The following CHST12 variants were observed in gnomAD, a reference collection of about 807,000 sequenced individuals.
CHST12 encodes carbohydrate (chondroitin 4) sulfotransferase 12.
Under a neutral mutation model 27.9 loss-of-function variants are expected in CHST12, and 23 were observed. The observed-to-expected ratio is 0.82, with a 90% CI of 0.59 to 1.17. The LOEUF (loss-of-function observed/expected upper bound fraction) is 1.17, where lower values mean the gene tolerates loss of function less well. Among genes scored for constraint, CHST12 ranks in the 50% most tolerant of loss-of-function variants. CHST12 has a pLI of 0.00. For missense variants in CHST12, 682 were observed against 603.0 expected (o/e 1.13, Z -1.37); for synonymous variants, 322 against 273.0 (o/e 1.18, Z -1.77).
At chr7:2,428,422 C>CG (rs902221740) in intron 1 of CHST12, among the ~76,000 whole-genome samples, 2 of 152,082 alleles carry the variant, frequency 1.3e-5, no homozygotes, top group Non-Finnish European at 2.9e-5. Context: ...CACAATGCAA[C>CG]GGGGCTCTTT....
Position 2,432,939 on chromosome 7 carries a change from C to T in CHST12, c.300C>T (p.Ser100=), listed in dbSNP as rs929073775. ...CTGCGCCGGGGAGCATGGAGGAGAG[C>T]GTGAGAGGCTACGACTGGTCCCCGC... ...QPPAPGSMEE[S]VRGYDWSPRD... Residue 100 remains serine (S), a synonymous_variant, in exon 2 of 2, where the codon AGC becomes AGT. Coordinates refer to ENST00000618655, the MANE Select transcript of CHST12 (RefSeq NM_018641.5). 5.0e-6 allele frequency: 8 copies of T among 1,612,180 alleles called. No homozygotes were observed. In the African/African-American group the frequency reaches 5.3e-5, roughly 11 times the overall value.
rs1054890189 is a variant in CHST12 at position 2,446,400 on chromosome 7, G to A, written c.*12516G>A. ...TCTGAGGAAAAACCTCTCCAGCCCA[G>A]CGCGTGGCCTGGCATTAACCCACTG... is the stretch of plus-strand genomic sequence containing the variant. On this transcript the variant is annotated 3_prime_UTR_variant, in exon 2 of 2. Transcript: ENST00000618655. 1.3e-5 allele frequency: 2 copies of A among 152,918 alleles called. No individual in the cohort carries two copies. The highest frequency in any genetic ancestry group is 4.1e-4 in the South Asian group (2 of 4,828). 9.5% of individuals were successfully genotyped at this position (152,918 alleles called of 1,614,324 possible). A position where few individuals can be genotyped will look rare whatever the true frequency, so the allele number is the denominator to read the frequency against.
At position 2,407,179 on chromosome 7, in the gene CHST12, A is replaced by T. The variant is rs529131076; in HGVS notation, c.-78+3506A>T. On this transcript the variant is annotated intron_variant, in intron 1 of 1. Coordinates refer to ENST00000618655, the MANE Select transcript of CHST12 (RefSeq NM_018641.5). ...AGAAACGGAAAGGATCAGATCAGGA[A>T]GTCAGCAGCTGAATAGTAAGAGCTT... Among the ~76,000 whole-genome samples, 7 of 152,348 alleles carry T rather than the reference A, an allele frequency of 4.6e-5. No individual in the cohort carries two copies. The South Asian group carries it at 1.2e-3, about 27-fold the overall frequency.
chr7:2,423,339 T>C (rs1176595349), intron 1 of CHST12, among the ~76,000 whole-genome samples: 1 of 151,956 alleles, frequency 6.6e-6, no homozygotes, highest in Non-Finnish European at 1.5e-5. Context: ...TCAGAGGGTA[T>C]TGAAAGCTGG....
rs77867789 is a variant in CHST12 at position 2,410,037 on chromosome 7, A to G, written c.-78+6364A>G. 3.2e-4 allele frequency among the ~76,000 whole-genome samples: 49 copies of G among 151,994 alleles called. 1 individual carries two copies. The South Asian group carries it at 1.0e-2, about 31-fold the overall frequency. ...ATCTCATTGCAGCCTCTGTTTCCTG[A>G]GTTCAAGCAATTATGATTACAGGCC... On this transcript the variant is annotated intron_variant, in intron 1 of 1. Coordinates refer to ENST00000618655, the MANE Select transcript of CHST12 (RefSeq NM_018641.5).
At position 2,447,560 on chromosome 7, in the gene CHST12, C is replaced by T. The variant is rs1306274005; in HGVS notation, c.*13676C>T. The stretch of plus-strand genomic sequence containing the variant: ...CAATCTTAGCTCACTGCAACCTCCA[C>T]CTCCCAGGTTCAAGCGATTTTCATG... On this transcript the variant is annotated 3_prime_UTR_variant, in exon 2 of 2. Coordinates refer to ENST00000618655, the MANE Select transcript of CHST12 (RefSeq NM_018641.5). The T allele has an allele frequency of 3.3e-5, 5 of 152,174 alleles. No individual in the cohort carries two copies. Among genetic ancestry groups the T allele is most frequent in the African/African-American group, 7.2e-5 (3 of 41,390 alleles). 9.4% of individuals were successfully genotyped at this position (152,174 alleles called of 1,614,324 possible).
intron 1 of CHST12, among the ~76,000 whole-genome samples, chr7:2,431,512 C>T (rs1278265965): frequency 6.6e-6 from 1 of 152,202 alleles, no homozygotes; most frequent in Non-Finnish European, 1.5e-5. Flanking sequence ...TGTGGACTCT[C>T]CTGCCTCACA....
Position 2,434,187 on chromosome 7 carries a change from G to A in CHST12, c.*303G>A, listed in dbSNP as rs1782407838. On this transcript the variant is annotated 3_prime_UTR_variant, in exon 2 of 2. Transcript: ENST00000618655. Reference sequence around the variant, plus strand: ...TGCGGGCGCCGGGAGGGGATGCTGAGGCTGATGGAGCTGCCTCCAGGGCTA... The same window carrying A: ...TGCGGGCGCCGGGAGGGGATGCTGAAGCTGATGGAGCTGCCTCCAGGGCTA... 3.6e-5 allele frequency: 9 copies of A among 250,108 alleles called. No individual in the cohort carries two copies. The allele number at this position is 250,108 out of a possible 1,614,324, so 15.5% of individuals were successfully genotyped here.
rs750502987 is a variant in CHST12, at chr7:2,432,723, C to T, written c.84C>T (p.Ser28=). ...MILLIIVYWD[S]AGAAHFYLHT... is the part of the protein sequence containing the mutation. ...TGCTGATCATCGTGTACTGGGACAG[C>T]GCAGGCGCCGCGCACTTCTACTTGC... The change falls in exon 2 of 2, where the codon AGC becomes AGT. Residue 28 remains serine (S), a synonymous_variant. Transcript: ENST00000618655. The T allele has an allele frequency of 1.9e-6, 3 of 1,613,940 alleles. No individual in the cohort carries two copies. Among genetic ancestry groups the T allele is most frequent in the East Asian group, 2.2e-5 (1 of 44,868 alleles).
At chr7:2,412,434 G>A (rs182769075) in intron 1 of CHST12, among the ~76,000 whole-genome samples, 24 of 152,302 alleles carry the variant, frequency 1.6e-4, no homozygotes, top group Admixed American at 1.4e-3. Flanking sequence ...TATAGTGTCT[G>A]TAAAGCTGGA....
intron 1 of CHST12, among the ~76,000 whole-genome samples, chr7:2,414,415 C>G (rs996656118): frequency 6.6e-6 from 1 of 152,010 alleles, no homozygotes; most frequent in African/African-American, 2.4e-5. Context: ...TCCTGAGTAG[C>G]TGGAATTACA....
Position 2,441,824 on chromosome 7 carries a change from G to T in CHST12, c.*7940G>T, listed in dbSNP as rs1782613454. On this transcript the variant is annotated 3_prime_UTR_variant, in exon 2 of 2. Coordinates refer to ENST00000618655, the MANE Select transcript of CHST12 (RefSeq NM_018641.5). ...AGTATATTTTCTTGGGTGAATTGTG[G>T]TGGTGGTAATGGTTTTAACTGGTGT... 1 of 152,026 alleles carries T rather than the reference G, an allele frequency of 6.6e-6. No homozygotes were observed. The highest frequency in any genetic ancestry group is 2.4e-5 in the African/African-American group (1 of 41,398). The allele number at this position is 152,026 out of a possible 1,614,324, so 9.4% of individuals were successfully genotyped here.
intron 1 of CHST12, among the ~76,000 whole-genome samples, chr7:2,413,817 C>G (rs1346256320): frequency 6.6e-6 from 1 of 150,734 alleles, no homozygotes; most frequent in Non-Finnish European, 1.5e-5. Context: ...CAACCTCTGC[C>G]TCCTGGGTTC....
In CHST12 at chr7:2,432,729, C is replaced by G. The variant is rs778876663; in HGVS notation, c.90C>G (p.Gly30=). 6.2e-7 allele frequency: 1 copy of G among 1,613,946 alleles called. No homozygotes were observed. Among genetic ancestry groups the G allele is most frequent in the Non-Finnish European group, 8.5e-7 (1 of 1,179,894 alleles). Residue 30 remains glycine (G), a synonymous_variant, in exon 2 of 2, where the codon GGC becomes GGG. Coordinates refer to ENST00000618655, the MANE Select transcript of CHST12 (RefSeq NM_018641.5). ...TCATCGTGTACTGGGACAGCGCAGG[C>G]GCCGCGCACTTCTACTTGCACACGT... is the stretch of plus-strand genomic sequence containing the variant. The part of the protein sequence containing the change: ...LLIIVYWDSA[G]AAHFYLHTSF...
chr7:2,433,947 T>A lies in CHST12; in HGVS notation c.*63T>A, dbSNP rs760449439. 8 of 1,440,232 alleles carry A rather than the reference T, an allele frequency of 5.6e-6. No individual in the cohort carries two copies. The highest frequency in any genetic ancestry group is 4.5e-5 in the Admixed American group (2 of 44,752). 89.2% of individuals were successfully genotyped at this position (1,440,232 alleles called of 1,614,324 possible). ...TGACGCACGCGCACTCCAGTTTTTT[T>A]ATGACCTACGATTTTGCAATCTGGG... On this transcript the variant is annotated 3_prime_UTR_variant, in exon 2 of 2. Coordinates refer to ENST00000618655, the MANE Select transcript of CHST12 (RefSeq NM_018641.5). This position sits in a 1 kb window ranked among gnomAD's most constrained non-coding sequence, Gnocchi z 6.1.
chr7:2,419,418 AAAAAAT>A (rs1053088473), intron 1 of CHST12, among the ~76,000 whole-genome samples: 8 of 151,794 alleles, frequency 5.3e-5, no homozygotes, highest in South Asian at 2.1e-4. Context: ...AAAAAAAAAA[AAAAAAT>A]GGCTGGGCAT....
chr7:2,428,019 T>C (rs557821974), intron 1 of CHST12, among the ~76,000 whole-genome samples: 1 of 151,904 alleles, frequency 6.6e-6, no homozygotes, highest in South Asian at 2.1e-4. Context: ...GGTTTCACCG[T>C]GTTTGGATCT....
At chr7:2,431,427 C>T (rs558818733) in intron 1 of CHST12, among the ~76,000 whole-genome samples, 1 of 152,306 alleles carries the variant, frequency 6.6e-6, no homozygotes, top group South Asian at 2.1e-4. Context: ...GTCATGGGTG[C>T]CAGATAGGGG....
In CHST12 at chr7:2,415,966, T is replaced by C. The variant is rs553793625; in HGVS notation, c.-78+12293T>C. 2.0e-5 allele frequency among the ~76,000 whole-genome samples: 3 copies of C among 152,200 alleles called. No homozygotes were observed. In the South Asian group the frequency reaches 6.2e-4, roughly 32 times the overall value. Reference sequence around the variant, plus strand: ...GTGCTGCATTTATTGACTCTTACTTTTACAAAAGGTTTTCCTGTAGCACGT... The same window carrying C: ...GTGCTGCATTTATTGACTCTTACTTCTACAAAAGGTTTTCCTGTAGCACGT... On this transcript the variant is annotated intron_variant, in intron 1 of 1. Coordinates refer to ENST00000618655, the MANE Select transcript of CHST12 (RefSeq NM_018641.5).
Sources: allele counts gnomAD v4.1 joint callset (sites outside exome capture counted in the v4.1 genomes callset), GRCh38; gene constraint gnomAD v4.1.1; non-coding constraint Gnocchi (gnomAD v3.1); transcripts MANE v1.5; gene names NCBI Gene and HGNC (gene_info 2026-07-23, HGNC 2026-07-21).